GRID2: variants seen among roughly 807,000 people sequenced by gnomAD.
GRID2 encodes glutamate ionotropic receptor delta type subunit 2, also known as glutamate receptor ionotropic, delta-2.
A neutral mutation model predicts 114.8 loss-of-function variants in GRID2; 33 were observed. The ratio of observed to expected loss-of-function variants is 0.29; its 90% confidence interval spans 0.22 to 0.38. GRID2 has a LOEUF of 0.38. GRID2 is among the 10% of genes least tolerant of loss of function. The probability of loss-of-function intolerance (pLI) is 1.00; values close to 1 mark genes in which losing one functional copy is unlikely to be tolerated. For missense variants in GRID2, 1,184 were observed against 1,257.7 expected, an observed-to-expected ratio of 0.94 and a Z score of 0.89; for synonymous variants, 505 against 449.9, an observed-to-expected ratio of 1.12 and a Z score of -1.55.
intron 2 of GRID2, among the ~76,000 whole-genome samples, chr4:92,809,861 A>C (rs1463339560): frequency 6.6e-6 from 1 of 152,026 alleles, no homozygotes; most frequent in Non-Finnish European, 1.5e-5. Flanking sequence ...AATATATCAT[A>C]ATATTTATAT....
chr4:92,461,380 G>A (rs1039632573), intron 1 of GRID2, among the ~76,000 whole-genome samples: 3 of 151,802 alleles, frequency 2.0e-5, no homozygotes, highest in African/African-American at 7.3e-5. Flanking sequence ...TTTATACGTT[G>A]TTTTGCTTAA....
At chr4:93,544,247 T>C (rs1194372384) in intron 13 of GRID2, among the ~76,000 whole-genome samples, 8 of 152,136 alleles carry the variant, frequency 5.3e-5, no homozygotes. Context: ...TGGAACTCCT[T>C]TGAGATCTCT....
At chr4:93,748,537 G>A (rs1732041730) in intron 14 of GRID2, among the ~76,000 whole-genome samples, 1 of 152,160 alleles carries the variant, frequency 6.6e-6, no homozygotes, top group Admixed American at 6.5e-5. Flanking sequence ...CTTTGAACAG[G>A]CGTCTAGAGC....
chr4:93,180,439 T>C (rs1739781795), intron 4 of GRID2, among the ~76,000 whole-genome samples: 1 of 152,140 alleles, frequency 6.6e-6, no homozygotes, highest in Non-Finnish European at 1.5e-5. Context: ...GACTGCTGAC[T>C]GATCAGGGTG....
chr4:92,661,134 G>A (rs562334199), intron 2 of GRID2, among the ~76,000 whole-genome samples: 1 of 150,770 alleles, frequency 6.6e-6, no homozygotes, highest in African/African-American at 2.4e-5. Flanking sequence ...AACAACACAA[G>A]CAGAAAGGGA....
intron 13 of GRID2, among the ~76,000 whole-genome samples, chr4:93,556,765 C>T (rs1039256358): frequency 6.6e-5 from 10 of 152,090 alleles, no homozygotes; most frequent in East Asian, 1.9e-4. Flanking sequence ...TGATACGCCT[C>T]GAGAAAAACA....
chr4:93,574,857 A>C (rs1736267005), intron 13 of GRID2, among the ~76,000 whole-genome samples: 2 of 152,236 alleles, frequency 1.3e-5, no homozygotes, highest in South Asian at 4.1e-4. Flanking sequence ...GTGAGCTAAC[A>C]CAATAAGGGT....
chr4:93,536,063 A>G (rs959370210), intron 13 of GRID2, among the ~76,000 whole-genome samples: 1 of 152,022 alleles, frequency 6.6e-6, no homozygotes, highest in Admixed American at 6.6e-5. Context: ...AGAAGACACA[A>G]ATAAATGAAA....
intron 8 of GRID2, among the ~76,000 whole-genome samples, chr4:93,378,279 T>G (rs2149303919): frequency 6.6e-6 from 1 of 152,250 alleles, no homozygotes. Flanking sequence ...ATCCCCAAAA[T>G]GGTTTCCACA....
intron 13 of GRID2, among the ~76,000 whole-genome samples, chr4:93,585,976 C>G (rs1737501115): frequency 6.6e-6 from 1 of 152,036 alleles, no homozygotes; most frequent in East Asian, 1.9e-4. Flanking sequence ...TTTGCACTTT[C>G]CTGTGGTGAT....
intron 7 of GRID2, among the ~76,000 whole-genome samples, chr4:93,231,078 T>C (rs905911509): frequency 1.3e-5 from 2 of 152,074 alleles, no homozygotes; most frequent in Admixed American, 6.6e-5. Flanking sequence ...AATCAGCTCT[T>C]AGAGCTACAA....
rs530399666 is a variant in GRID2, at chr4:92,766,266, C to A, written c.244+175980C>A. On this transcript the variant is annotated intron_variant, in intron 2 of 15. Coordinates refer to ENST00000282020, the MANE Select transcript of GRID2 (RefSeq NM_001510.4). ...ATAAGAAGACACTTTTAGCTGGGTG[C>A]GGTGGCTCATGCCTATAATTCCAGC... Among the ~76,000 whole-genome samples, 201 of 152,126 alleles carry A rather than the reference C, an allele frequency of 1.3e-3. 1 individual carries two copies. Among genetic ancestry groups the A allele is most frequent in the African/African-American group, 4.5e-3 (186 of 41,502 alleles).
chr4:93,440,723 A>C (rs1021806482), intron 10 of GRID2, among the ~76,000 whole-genome samples: 8 of 152,130 alleles, frequency 5.3e-5, no homozygotes, highest in African/African-American at 1.7e-4. Context: ...GATCTGTGAA[A>C]GGAAATAAAT....
chr4:92,649,465 C>T (rs960383055), intron 2 of GRID2, among the ~76,000 whole-genome samples: 5 of 151,390 alleles, frequency 3.3e-5, no homozygotes, highest in Non-Finnish European at 5.9e-5. Context: ...ATGATGCCCA[C>T]CCACATTGGT....
At chr4:92,550,476 TAG>T (rs1560705723) in intron 1 of GRID2, among the ~76,000 whole-genome samples, 82 of 152,324 alleles carry the variant, frequency 5.4e-4, no homozygotes, top group African/African-American at 1.8e-3. Flanking sequence ...TGAATACACT[TAG>T]AGGCAACCCA....
intron 13 of GRID2, among the ~76,000 whole-genome samples, chr4:93,598,621 T>A (rs1454649227): frequency 6.6e-6 from 1 of 152,256 alleles, no homozygotes; most frequent in Non-Finnish European, 1.5e-5. Context: ...GATTTCCATA[T>A]GAGCAAGTTA....
intron 1 of GRID2, among the ~76,000 whole-genome samples, chr4:92,530,394 T>C (rs956158079): frequency 2.0e-5 from 3 of 151,202 alleles, no homozygotes; most frequent in Admixed American, 6.6e-5. Flanking sequence ...TATTCTTCTA[T>C]TAAAAATCAC....
chr4:92,972,600 A>AT (rs555442555), intron 2 of GRID2, among the ~76,000 whole-genome samples: 95 of 148,768 alleles, frequency 6.4e-4, no homozygotes, highest in African/African-American at 1.4e-3. Context: ...CAGGAAAATA[A>AT]TTTTTTTTTT....
intron 2 of GRID2, among the ~76,000 whole-genome samples, chr4:92,925,210 G>A (rs1749711505): frequency 6.6e-6 from 1 of 151,952 alleles, no homozygotes; most frequent in Non-Finnish European, 1.5e-5. Flanking sequence ...TGTAATCTGG[G>A]TATTCCTTCT....
Sources: allele counts gnomAD v4.1 joint callset (sites outside exome capture counted in the v4.1 genomes callset), GRCh38; gene constraint gnomAD v4.1.1; transcripts MANE v1.5; gene names NCBI Gene and HGNC (gene_info 2026-07-23, HGNC 2026-07-21).